The following CYTH2 variants were observed in gnomAD, a reference collection of about 807,000 sequenced individuals.
CYTH2 encodes the protein cytohesin 2, also known as cytohesin-2.
Under a neutral mutation model 55.4 loss-of-function variants are expected in CYTH2, and 24 were observed. The ratio of observed to expected loss-of-function variants is 0.43; its 90% CI spans 0.31 to 0.61. CYTH2 has a LOEUF of 0.61. Ranked by LOEUF, CYTH2 falls within the 20% of genes least tolerant of loss-of-function variation. CYTH2 has a pLI of 0.08. For missense variants in CYTH2, 378 were observed against 533.5 expected, an observed-to-expected ratio of 0.71 and a Z score of 2.87; for synonymous variants, 221 against 209.6, an observed-to-expected ratio of 1.05 and a Z score of -0.47.
intron 8 of CYTH2, 190 bp from the exon 9 acceptor site, chr19:48,477,879 G>T: frequency 1.7e-6 from 1 of 573,060 alleles, no homozygotes. Context: ...GCCCCAAGCT[G>T]GGGGTGGACG....
chr19:48,470,741 C>T, intron 3 of CYTH2, 72 bp downstream of exon 3: 1 of 1,566,180 alleles, frequency 6.4e-7, no homozygotes, highest in Admixed American at 1.7e-5. Flanking sequence ...CTCCGGGTTC[C>T]AGAAGCGTGA....
chr19:48,474,072 T>C lies in CYTH2; in HGVS notation c.547+55T>C. On this transcript the variant is annotated intron_variant, in intron 6 of 11. Transcript: ENST00000452733. The surrounding 1 kb of genome is among the most constrained non-coding windows in gnomAD (Gnocchi z 4.9). ...AAGAGGAGACTGGGGCCCAGACTCCTAGGTCTGAGGGAGGGAGGGGGCTGG... is the reference window on the plus strand; with the variant it reads ...AAGAGGAGACTGGGGCCCAGACTCCCAGGTCTGAGGGAGGGAGGGGGCTGG... The C allele has an allele frequency of 2.6e-6, 4 of 1,557,522 alleles. No homozygotes were observed. The highest frequency in any genetic ancestry group is 3.5e-6 in the Non-Finnish European group (4 of 1,151,248).
chr19:48,472,968 A>C, intron 4 of CYTH2: 1 of 334,730 alleles, frequency 3.0e-6, no homozygotes, highest in Non-Finnish European at 5.7e-6. Flanking sequence ...TGTCTGGGGG[A>C]TGTGGGGGCT....
rs1235658122 is a variant in CYTH2 at position 48,473,924 on chromosome 19, C to T, written c.454C>T (p.Arg152Cys). 1.9e-6 allele frequency: 3 copies of T among 1,611,414 alleles called. No homozygotes were observed. The highest frequency in any genetic ancestry group is 2.7e-5 in the African/African-American group (2 of 74,792). The change falls in exon 6 of 12, where the codon CGC becomes TGC. Residue 152 changes from arginine to cysteine, a missense_variant. By Grantham distance (180) the Arg-to-Cys change is radical. Transcript: ENST00000452733. ...ACCCAGGCAGTTTCTATGGAGCTTT[C>T]GCCTACCCGGAGAGGCCCAGAAAAT... Reference protein sequence around the residue: ...QALRQFLWSFRLPGEAQKIDR... With the variant: ...QALRQFLWSFCLPGEAQKIDR...
rs372095603 is a variant in CYTH2, at chr19:48,474,174, C to T, written c.548-8C>T. 9.4e-5 allele frequency: 148 copies of T among 1,582,754 alleles called. No homozygotes were observed. Among genetic ancestry groups the T allele is most frequent in the Middle Eastern group, 1.7e-4 (1 of 5,938 alleles). ...CTGGGTCGTCACCACCTGCCCTGTC[C>T]GGTGCAGACACGTGCTATGTGCTGT... is the stretch of plus-strand genomic sequence containing the variant. On this transcript the variant is annotated splice_region_variant and splice_polypyrimidine_tract_variant and intron_variant, in intron 6 of 11. Coordinates refer to ENST00000452733, the MANE Select transcript of CYTH2 (RefSeq NM_004228.7). This position sits in a 1 kb window ranked among gnomAD's most constrained non-coding sequence, Gnocchi z 4.9.
chr19:48,478,211 G>A, intron 9 of CYTH2, 64 bp from the exon 10 acceptor site: 1 of 1,599,054 alleles, frequency 6.3e-7, no homozygotes, highest in East Asian at 2.3e-5. Context: ...GACTCCTGGG[G>A]CTGAGGGAGG....
Position 48,478,145 on chromosome 19 carries a change from G to A in CYTH2, c.885G>A (p.Thr295=), listed in dbSNP as rs530989167. 6 of 1,614,006 alleles carry A rather than the reference G, an allele frequency of 3.7e-6. No individual in the cohort carries two copies. The highest frequency in any genetic ancestry group is 2.7e-5 in the African/African-American group (2 of 75,038). ...GCCTCTACTACTTTGAGTACACCAC[G>A]GTGAGCGTGACCCGACCCGGGCTCT... The part of the protein sequence containing the change: ...DNCLYYFEYT[T]DKEPRGIIPL... The change falls in exon 9 of 12, where the codon ACG becomes ACA. Residue 295 remains threonine (T), a splice_region_variant and synonymous_variant. Coordinates refer to ENST00000452733, the MANE Select transcript of CYTH2 (RefSeq NM_004228.7).
chr19:48,479,812 G>C lies in CYTH2; in HGVS notation c.*602G>C, dbSNP rs149991374. The C allele has an allele frequency of 6.6e-6, 1 of 151,404 alleles. No individual in the cohort carries two copies. Among genetic ancestry groups the C allele is most frequent in the Non-Finnish European group, 1.5e-5 (1 of 67,978 alleles). The allele number at this position is 151,404 out of a possible 1,614,324, so 9.4% of individuals were successfully genotyped here. On this transcript the variant is annotated 3_prime_UTR_variant, in exon 12 of 12. Transcript: ENST00000452733. ...ACAACCTGGAGCTGGAAGAACATGC[G>C]ACCACCTCAGGGAGGGTCAGGGAAG...
In CYTH2 at chr19:48,470,785, G is replaced by A. The variant is rs181109988; in HGVS notation, c.234+116G>A. 15 of 1,134,320 alleles carry A rather than the reference G, an allele frequency of 1.3e-5. No homozygotes were observed. The East Asian group carries it at 3.7e-4, about 28-fold the overall frequency. The allele number at this position is 1,134,320 out of a possible 1,614,324, so 70.3% of individuals were successfully genotyped here. On this transcript the variant is annotated intron_variant, in intron 3 of 11. Coordinates refer to ENST00000452733, the MANE Select transcript of CYTH2 (RefSeq NM_004228.7). ...GGTCTATTCTAGGTGGACAGACTTG[G>A]TCCTAATCCCTGGATTCAGATACTG...
chr19:48,479,032 G>A (rs147203128), intron 11 of CYTH2, 91 bp from the exon 12 acceptor site: 15,333 of 1,330,374 alleles, frequency 0.012, 255 homozygotes, highest in Middle Eastern at 0.077. Context: ...AGGAGGGGCC[G>A]GGGGTCTGAG....
rs546363096 is a variant in CYTH2 at position 48,469,450 on chromosome 19, G to C, written c.-58G>C. 1 of 1,319,232 alleles carries C rather than the reference G, an allele frequency of 7.6e-7. No homozygotes were observed. The highest frequency in any genetic ancestry group is 1.5e-5 in the African/African-American group (1 of 64,758). 81.7% of individuals were successfully genotyped at this position (1,319,232 alleles called of 1,614,324 possible). A position where few individuals can be genotyped will look rare whatever the true frequency, so the allele number is the denominator to read the frequency against. ...CTCACCCGAGCCCGCGGGCCAACGC[G>C]GATCCAGGCCCGACTGGCGGGACCG... On this transcript the variant is annotated 5_prime_UTR_variant, in exon 1 of 12. Transcript: ENST00000452733.
At chr19:48,472,654 G>A in intron 4 of CYTH2, 1 of 610,232 alleles carries the variant, frequency 1.6e-6, no homozygotes, top group Non-Finnish European at 3.0e-6. Context: ...GGGGATGTGG[G>A]GCCTTCTGGA....
Position 48,478,418 on chromosome 19 carries a change from C to T in CYTH2, c.958-20C>T. On this transcript the variant is annotated intron_variant, in intron 10 of 11. Transcript: ENST00000452733. The stretch of plus-strand genomic sequence containing the variant: ...GCCCAGGGCTGGTTCTTACCTGCGC[C>T]CTTCCTCTCTCGTCCCCAGAACTGC... 6.2e-7 allele frequency: 1 copy of T among 1,613,284 alleles called. No homozygotes were observed.
rs971533556 is a variant in CYTH2, at chr19:48,480,455, G to C, written c.*1245G>C. 3.3e-5 allele frequency: 5 copies of C among 152,180 alleles called. No individual in the cohort carries two copies. Among genetic ancestry groups the C allele is most frequent in the African/African-American group, 1.2e-4 (5 of 41,438 alleles). The allele number at this position is 152,180 out of a possible 1,614,324, so 9.4% of individuals were successfully genotyped here. Reference sequence around the variant, plus strand: ...ATCCCTGTCCCGCCCTTGGCCACAGGCACCTGCCGGCCTGAAGGCCCCCGC... The same window carrying C: ...ATCCCTGTCCCGCCCTTGGCCACAGCCACCTGCCGGCCTGAAGGCCCCCGC... On this transcript the variant is annotated 3_prime_UTR_variant, in exon 12 of 12. Transcript: ENST00000452733.
At chr19:48,473,488 A>C (rs997466891) in intron 5 of CYTH2, 110 bp downstream of exon 5, 15 of 1,144,744 alleles carry the variant, frequency 1.3e-5, no homozygotes, top group Non-Finnish European at 1.7e-5. Flanking sequence ...CAAAACAGAA[A>C]CAAAAACTAG....
chr19:48,478,333 A>G lies in CYTH2; in HGVS notation c.944A>G (p.Asp315Gly). The change falls in exon 10 of 12, where the codon GAC becomes GGC. Residue 315 changes from aspartate to glycine, a missense_variant. Asp to Gly is a moderately conservative substitution (Grantham distance 94, BLOSUM62 -1). Coordinates refer to ENST00000452733, the MANE Select transcript of CYTH2 (RefSeq NM_004228.7). ...AATCTGAGCATCCGAGAGGTGGACG[A>G]CCCCCGGAAACCGGTAAGACCCTCT... ...LENLSIREVDDPRKPNCFELY... is the reference protein window; with the variant it reads ...LENLSIREVDGPRKPNCFELY... The G allele has an allele frequency of 6.2e-7, 1 of 1,613,056 alleles. No homozygotes were observed. The highest frequency in any genetic ancestry group is 8.5e-7 in the Non-Finnish European group (1 of 1,179,776).
chr19:48,479,227 C>G lies in CYTH2; in HGVS notation c.*17C>G, dbSNP rs1289965529. ...CAGCCCTGACCCCCTGCCCCCAACT[C>G]CATTATTTATTACGGAGCTGCCCCG... is the stretch of plus-strand genomic sequence containing the variant. On this transcript the variant is annotated 3_prime_UTR_variant, in exon 12 of 12. Transcript: ENST00000452733. 2.5e-6 allele frequency: 4 copies of G among 1,613,660 alleles called. No individual in the cohort carries two copies. Among genetic ancestry groups the G allele is most frequent in the South Asian group, 1.1e-5 (1 of 91,070 alleles).
Position 48,473,777 on chromosome 19 carries a change from A to G in CYTH2, c.435-128A>G, listed in dbSNP as rs1971851332. The G allele has an allele frequency of 5.6e-6, 4 of 713,186 alleles. No individual in the cohort carries two copies. The South Asian group carries it at 7.6e-5, about 14-fold the overall frequency. 44.2% of individuals were successfully genotyped at this position (713,186 alleles called of 1,614,324 possible). A position where few individuals can be genotyped will look rare whatever the true frequency, so the allele number is the denominator to read the frequency against. Reference sequence around the variant, plus strand: ...ATTGGTGAGACTGGATCATGTGACCATACCTGAAACAACTGCTGAGGCCGG... The same window carrying G: ...ATTGGTGAGACTGGATCATGTGACCGTACCTGAAACAACTGCTGAGGCCGG... On this transcript the variant is annotated intron_variant, in intron 5 of 11. Transcript: ENST00000452733.
At position 48,474,044 on chromosome 19, in the gene CYTH2, G is replaced by A. The variant is rs1444676739; in HGVS notation, c.547+27G>A. ...TGCGGGCCCCAAATCCTGGGTCCTG[G>A]GAAAGAGGAGACTGGGGCCCAGACT... On this transcript the variant is annotated intron_variant, in intron 6 of 11. Transcript: ENST00000452733. The surrounding 1 kb of genome is among the most constrained non-coding windows in gnomAD (Gnocchi z 4.9). 2 of 1,582,032 alleles carry A rather than the reference G, an allele frequency of 1.3e-6. No homozygotes were observed. Among genetic ancestry groups the A allele is most frequent in the Non-Finnish European group, 8.6e-7 (1 of 1,165,016 alleles).
Sources: gnomAD v4.1 joint callset for allele counts on GRCh38, gnomAD v4.1.1 for gene constraint, Gnocchi (gnomAD v3.1) non-coding constraint, MANE v1.5 for transcripts, NCBI Gene and HGNC (gene_info 2026-07-23, HGNC 2026-07-21) for gene names.